ITGB8: variants seen among roughly 807,000 people sequenced by gnomAD.
ITGB8 encodes integrin beta-8.
A neutral mutation model predicts 89.5 loss-of-function variants in ITGB8; 30 were observed. The ratio of observed to expected loss-of-function variants is 0.34; its 90% CI spans 0.25 to 0.45. ITGB8 has a LOEUF of 0.45. ITGB8 is among the 20% of genes least tolerant of loss of function. ITGB8 has a pLI of 1.00. For synonymous variants in ITGB8, 335 were observed against 320.4 expected (o/e 1.05, Z -0.49); for missense variants, 836 against 933.3 (o/e 0.90, Z 1.36).
chr7:20,331,657 G>T lies in ITGB8; in HGVS notation c.-150G>T, dbSNP rs1011520559. On this transcript the variant is annotated 5_prime_UTR_variant, in exon 1 of 14. Transcript: ENST00000222573. Reference sequence around the variant, plus strand: ...GTGCCCGGGCCCGCTTACCTGCACCGCTTGCTCCGAGCCGCGGGGTCCGCC... The same window carrying T: ...GTGCCCGGGCCCGCTTACCTGCACCTCTTGCTCCGAGCCGCGGGGTCCGCC... 3.8e-4 allele frequency: 361 copies of T among 951,852 alleles called. No homozygotes were observed. Among genetic ancestry groups the T allele is most frequent in the Non-Finnish European group, 5.0e-4 (341 of 679,872 alleles). The allele number at this position is 951,852 out of a possible 1,614,324, so 59.0% of individuals were successfully genotyped here.
At chr7:20,340,755 T>G (rs552726621) in intron 1 of ITGB8, among the ~76,000 whole-genome samples, 9 of 152,120 alleles carry the variant, frequency 5.9e-5, no homozygotes, top group Admixed American at 2.6e-4. Context: ...AGGTACTAGG[T>G]AGGGAAGGGG....
At chr7:20,364,639 C>T (rs1785624630) in intron 2 of ITGB8, 1 of 152,158 alleles carries the variant, frequency 6.6e-6, no homozygotes, top group African/African-American at 2.4e-5. Flanking sequence ...AGTGAGAAAA[C>T]CAGATGTCAT....
chr7:20,381,991 A>C, intron 6 of ITGB8, 106 bp downstream of exon 6: 1 of 917,412 alleles, frequency 1.1e-6, no homozygotes, highest in Non-Finnish European at 1.7e-6. Flanking sequence ...TACAAAAGAA[A>C]GATACAGAAC....
chr7:20,354,806 C>T (rs1562661621), intron 1 of ITGB8, among the ~76,000 whole-genome samples: 1 of 152,182 alleles, frequency 6.6e-6, no homozygotes, highest in Non-Finnish European at 1.5e-5. Flanking sequence ...AAATCATCAT[C>T]GTTAGTTATG....
In ITGB8 at chr7:20,406,047, T is replaced by G; in HGVS notation, c.1914-15T>G. On this transcript the variant is annotated splice_polypyrimidine_tract_variant and intron_variant, in intron 11 of 13. Coordinates refer to ENST00000222573, the MANE Select transcript of ITGB8 (RefSeq NM_002214.3). ...TTTAAAGAATAAATATTTTCACTTCTGTTTCCCCTTGCAGGAATTGTATGC... is the reference window on the plus strand; with the variant it reads ...TTTAAAGAATAAATATTTTCACTTCGGTTTCCCCTTGCAGGAATTGTATGC... 7.0e-7 allele frequency: 1 copy of G among 1,437,142 alleles called. No homozygotes were observed. Among genetic ancestry groups the G allele is most frequent in the Middle Eastern group, 1.7e-4 (1 of 5,770 alleles). 89.0% of individuals were successfully genotyped at this position (1,437,142 alleles called of 1,614,324 possible). A position where few individuals can be genotyped will look rare whatever the true frequency, so the allele number is the denominator to read the frequency against.
chr7:20,365,736 G>A (rs548110517), intron 2 of ITGB8: 1 of 152,324 alleles, frequency 6.6e-6, no homozygotes, highest in Admixed American at 6.5e-5. Flanking sequence ...CCATTAACAG[G>A]AGCTGTCCAC....
At chr7:20,367,300 C>G (rs1785739929) in intron 3 of ITGB8, 114 bp downstream of exon 3, 1 of 777,140 alleles carries the variant, frequency 1.3e-6, no homozygotes, top group Admixed American at 2.5e-5. Context: ...GTAGAAACCA[C>G]AGTGGACTCA....
rs1229651452 is a variant in ITGB8, at chr7:20,379,186, G to C, written c.524G>C (p.Arg175Thr). 1 of 1,612,380 alleles carries C rather than the reference G, an allele frequency of 6.2e-7. No individual in the cohort carries two copies. The highest frequency in any genetic ancestry group is 1.3e-5 in the African/African-American group (1 of 74,946). Residue 175 changes from arginine (R) to threonine (T), a missense_variant, in exon 4 of 14, where the codon AGA becomes ACA. Transcript: ENST00000222573. ...AATTCCGTTGGAAACGATTTATCTAGAAAAATGGCATTTTTCTCCCGTGAC... is the reference window on the plus strand; with the variant it reads ...AATTCCGTTGGAAACGATTTATCTACAAAAATGGCATTTTTCTCCCGTGAC... ...KLNSVGNDLS[R>T]KMAFFSRDFR...
chr7:20,377,364 G>A (rs773630395), intron 3 of ITGB8: 8 of 152,238 alleles, frequency 5.3e-5, no homozygotes, highest in Non-Finnish European at 1.2e-4. Context: ...ATCAACAGCA[G>A]TTCACCTAGA....
rs866573332 is a variant in ITGB8 at position 20,381,649 on chromosome 7, G to A, written c.802-78G>A. 20 of 1,097,466 alleles carry A rather than the reference G, an allele frequency of 1.8e-5. No homozygotes were observed. The Middle Eastern group carries it at 1.1e-3, about 58-fold the overall frequency. 68.0% of individuals were successfully genotyped at this position (1,097,466 alleles called of 1,614,324 possible). A position where few individuals can be genotyped will look rare whatever the true frequency, so the allele number is the denominator to read the frequency against. ...TGACTTACTGTTCGTCAACTCAAACGTAATGTTTACTTGAGGTAAAAACCA... is the reference window on the plus strand; with the variant it reads ...TGACTTACTGTTCGTCAACTCAAACATAATGTTTACTTGAGGTAAAAACCA... On this transcript the variant is annotated intron_variant, in intron 5 of 13. Transcript: ENST00000222573.
At chr7:20,379,007 G>A (rs1289088460) in intron 3 of ITGB8, 44 bp from the exon 4 acceptor site, 3 of 1,487,754 alleles carry the variant, frequency 2.0e-6, no homozygotes, top group Non-Finnish European at 2.7e-6. Flanking sequence ...ATCCTGAAAA[G>A]TTTAAAATGA....
upstream of ITGB8, among the ~76,000 whole-genome samples, chr7:20,330,280 G>C (rs1426671389): frequency 6.6e-6 from 1 of 152,228 alleles, no homozygotes; most frequent in Non-Finnish European, 1.5e-5. Context: ...TAGAGGACGA[G>C]CTCCTAACTG....
intron 3 of ITGB8, among the ~76,000 whole-genome samples, chr7:20,367,652 TAA>T (rs1785755803): frequency 6.6e-6 from 1 of 152,170 alleles, no homozygotes; most frequent in African/African-American, 2.4e-5. Flanking sequence ...AACTTGTGAT[TAA>T]AAGTTTATTA....
chr7:20,331,796 T>G lies in ITGB8; in HGVS notation c.-11T>G. On this transcript the variant is annotated 5_prime_UTR_variant, in exon 1 of 14. Coordinates refer to ENST00000222573, the MANE Select transcript of ITGB8 (RefSeq NM_002214.3). ...GTCAGGCGGCGGGCGCGGGGCGGGC[T>G]GTTTTGCATTATGTGCGGCTCGGCC... 6.2e-7 allele frequency: 1 copy of G among 1,609,284 alleles called. No individual in the cohort carries two copies. Among genetic ancestry groups the G allele is most frequent in the Non-Finnish European group, 8.5e-7 (1 of 1,178,300 alleles).
chr7:20,383,195 G>C (rs1248064545), intron 6 of ITGB8, among the ~76,000 whole-genome samples: 1 of 152,170 alleles, frequency 6.6e-6, no homozygotes, highest in Non-Finnish European at 1.5e-5. Flanking sequence ...TGAAATTCTA[G>C]AGTGGCAATT....
At chr7:20,348,536 G>A (rs1369331973) in intron 1 of ITGB8, among the ~76,000 whole-genome samples, 1 of 152,186 alleles carries the variant, frequency 6.6e-6, no homozygotes, top group African/African-American at 2.4e-5. Context: ...CCGTTATCCA[G>A]TGACTCCTCT....
chr7:20,334,740 G>T lies in ITGB8; in HGVS notation c.127+2807G>T, dbSNP rs138270277. On this transcript the variant is annotated intron_variant, in intron 1 of 13. Coordinates refer to ENST00000222573, the MANE Select transcript of ITGB8 (RefSeq NM_002214.3). Reference sequence around the variant, plus strand: ...TAAGCTCCCAAATTAATTCTATCTTGAAGCAATGGAGACACTTTCTGATCA... The same window carrying T: ...TAAGCTCCCAAATTAATTCTATCTTTAAGCAATGGAGACACTTTCTGATCA... Among the ~76,000 whole-genome samples the T allele has an allele frequency of 2.6e-3, 391 of 152,246 alleles. 3 individuals carry two copies. The highest frequency in any genetic ancestry group is 3.0e-3 in the Non-Finnish European group (206 of 67,992).
At chr7:20,349,214 A>T (rs1179887292) in intron 1 of ITGB8, among the ~76,000 whole-genome samples, 1 of 152,094 alleles carries the variant, frequency 6.6e-6, no homozygotes, top group Non-Finnish European at 1.5e-5. Flanking sequence ...AAAGACAAAT[A>T]TTTAGTGTCA....
Position 20,409,622 on chromosome 7 carries a change from C to T in ITGB8, c.2031C>T (p.Phe677=). ...TTGTTTGCTTCATTACAGAATGTTT[C>T]TCCAGCCCAAGCTACTTGAGAATAT... ...QHYVDQTSEC[F]SSPSYLRIFF... The change falls in exon 13 of 14, where the codon TTC becomes TTT. Residue 677 remains phenylalanine (F), a synonymous_variant. Transcript: ENST00000222573. The T allele has an allele frequency of 1.2e-6, 2 of 1,600,950 alleles. No homozygotes were observed. Among genetic ancestry groups the T allele is most frequent in the Non-Finnish European group, 1.7e-6 (2 of 1,176,030 alleles).
Sources: allele counts gnomAD v4.1 joint callset (sites outside exome capture counted in the v4.1 genomes callset), GRCh38; gene constraint gnomAD v4.1.1; transcripts MANE v1.5; gene names NCBI Gene and HGNC (gene_info 2026-07-23, HGNC 2026-07-21).